ZNF827: variants seen among roughly 807,000 people sequenced by gnomAD.
ZNF827 encodes zinc finger protein 827.
ZNF827 carries 13 observed loss-of-function variants against 102.4 expected under a neutral mutation model. That is an observed-to-expected ratio of 0.13 (90% CI 0.08 to 0.20). The LOEUF (loss-of-function observed/expected upper bound fraction) is 0.20. Among genes scored for constraint, ZNF827 ranks in the 10% least tolerant of loss-of-function variants. The probability of loss-of-function intolerance (pLI) is 1.00; values close to 1 mark genes in which losing one functional copy is unlikely to be tolerated. For synonymous variants in ZNF827, 523 were observed against 536.2 expected, an observed-to-expected ratio of 0.98 and a Z score of 0.34; for missense variants, 1,103 against 1,344.4, an observed-to-expected ratio of 0.82 and a Z score of 2.81.
chr4:145,874,059 C>T (rs1469934023), intron 4 of ZNF827, among the ~76,000 whole-genome samples: 7 of 151,404 alleles, frequency 4.6e-5, no homozygotes, highest in Non-Finnish European at 4.4e-5. Flanking sequence ...GAGCAAATCC[C>T]AACTTCTAGA....
In ZNF827 at chr4:145,902,030, T is replaced by C; in HGVS notation, c.1093+136A>G. 9.0e-7 allele frequency: 1 copy of C among 1,105,846 alleles called. No individual in the cohort carries two copies. Among genetic ancestry groups the C allele is most frequent in the Non-Finnish European group, 1.3e-6 (1 of 797,596 alleles). The allele number at this position is 1,105,846 out of a possible 1,614,324, so 68.5% of individuals were successfully genotyped here. On this transcript the variant is annotated intron_variant, in intron 2 of 14. Transcript: ENST00000508784. The surrounding 1 kb of genome is among the most constrained non-coding windows in gnomAD (Gnocchi z 4.3). ...AGACTACTATGCTGCTTACTTAAAG[T>C]ATTTTTGTTGTGCTCTTGCTTTTTT...
chr4:145,814,659 C>T (rs991604568), intron 8 of ZNF827, among the ~76,000 whole-genome samples: 8 of 151,624 alleles, frequency 5.3e-5, no homozygotes, highest in Non-Finnish European at 8.8e-5. Flanking sequence ...CACAGTGGCT[C>T]GCACCTGTAA....
In ZNF827 at chr4:145,892,345, G is replaced by A. The variant is rs762037117; in HGVS notation, c.1164C>T (p.Tyr388=). Residue 388 remains tyrosine, a synonymous_variant, in exon 3 of 15, where the codon TAC becomes TAT. Coordinates refer to ENST00000508784, the MANE Select transcript of ZNF827 (RefSeq NM_001306215.2). ...ICGLVIKRKS[Y]WKRHMVIHTG... ...TGTGAATCACCATGTGCCGCTTCCA[G>A]TAACTCTTCCTTTTAATAACCAAAC... The A allele has an allele frequency of 3.1e-6, 5 of 1,614,190 alleles. No individual in the cohort carries two copies. Among genetic ancestry groups the A allele is most frequent in the Non-Finnish European group, 4.2e-6 (5 of 1,180,020 alleles).
chr4:145,872,485 A>G (rs1338886175), intron 4 of ZNF827, among the ~76,000 whole-genome samples: 1 of 152,148 alleles, frequency 6.6e-6, no homozygotes, highest in Non-Finnish European at 1.5e-5. Context: ...GAGAGAAATA[A>G]ATCTGTTATT....
In ZNF827 at chr4:145,838,544, TG is replaced by T. The variant is rs112203277; in HGVS notation, c.2279+7411del. Among the ~76,000 whole-genome samples the T allele has an allele frequency of 9.3e-3, 1,411 of 151,974 alleles. 31 individuals are homozygous for T. The highest frequency in any genetic ancestry group is 0.033 in the African/African-American group (1,347 of 41,440). ...ACCATTGTTTATATTAACAATTTTTTGGGGGGGGACCCTTGATATTCAATAA... is the reference window on the plus strand; with the variant it reads ...ACCATTGTTTATATTAACAATTTTTTGGGGGGGACCCTTGATATTCAATAA... On this transcript the variant is annotated intron_variant, in intron 7 of 14. Coordinates refer to ENST00000508784, the MANE Select transcript of ZNF827 (RefSeq NM_001306215.2).
At chr4:145,833,813 C>T (rs551328245) in intron 7 of ZNF827, among the ~76,000 whole-genome samples, 20 of 151,852 alleles carry the variant, frequency 1.3e-4, no homozygotes, top group African/African-American at 4.6e-4. Context: ...ATTTCCATGC[C>T]CCGACCTCTT....
At chr4:145,764,748 C>T in intron 13 of ZNF827, 4 of 550,396 alleles carry the variant, frequency 7.3e-6, no homozygotes, top group African/African-American at 1.9e-5. Flanking sequence ...TGTCTTTTTT[C>T]TTGCCCTGAA....
intron 7 of ZNF827, among the ~76,000 whole-genome samples, chr4:145,834,642 T>G (rs1427644893): frequency 6.6e-6 from 1 of 152,106 alleles, no homozygotes; most frequent in Admixed American, 6.5e-5. Context: ...CCAAATCAGA[T>G]AGCGTTTAGG....
chr4:145,798,068 G>A (rs570097478), intron 8 of ZNF827, among the ~76,000 whole-genome samples: 1 of 152,312 alleles, frequency 6.6e-6, no homozygotes, highest in East Asian at 1.9e-4. Context: ...GGGACTTTGA[G>A]AAACTTTTTG....
chr4:145,843,037 ACAGGAGT>A (rs1745575164), intron 7 of ZNF827, among the ~76,000 whole-genome samples: 1 of 152,158 alleles, frequency 6.6e-6, no homozygotes, highest in Non-Finnish European at 1.5e-5. Flanking sequence ...TCCTTCTAAA[ACAGGAGT>A]CAGGAAAGAA....
At chr4:145,859,857 C>T (rs140866988) in intron 5 of ZNF827, among the ~76,000 whole-genome samples, 2,010 of 152,148 alleles carry the variant, frequency 0.013, 18 homozygotes, top group Non-Finnish European at 0.021. Context: ...GAGAGCTGAA[C>T]GTCAGGCAGG....
intron 4 of ZNF827, chr4:145,876,396 C>T (rs567205132): frequency 1.3e-5 from 2 of 152,326 alleles, no homozygotes; most frequent in East Asian, 3.9e-4. Context: ...ATCCCCTGGG[C>T]ATACCTGCCT....
At chr4:145,925,937 C>T (rs1753387788) in intron 1 of ZNF827, among the ~76,000 whole-genome samples, 1 of 152,200 alleles carries the variant, frequency 6.6e-6, no homozygotes, top group East Asian at 1.9e-4. Flanking sequence ...TTCAACAAGT[C>T]TTATAAAATC....
chr4:145,776,063 G>T, intron 9 of ZNF827, 103 bp from the exon 10 acceptor site: 2 of 1,336,976 alleles, frequency 1.5e-6, no homozygotes, highest in Non-Finnish European at 2.1e-6. Context: ...AATGGTTCAA[G>T]TCATATTTCA....
At chr4:145,935,470 A>C (rs1264436593) in intron 1 of ZNF827, among the ~76,000 whole-genome samples, 2 of 152,360 alleles carry the variant, frequency 1.3e-5, no homozygotes, top group East Asian at 3.9e-4. Context: ...AAACTGCTTT[A>C]AAAACATGTG....
rs532889332 is a variant in ZNF827 at position 145,849,344 on chromosome 4, G to A, written c.2199C>T (p.Ser733=). 28 of 1,613,982 alleles carry A rather than the reference G, an allele frequency of 1.7e-5. No homozygotes were observed. The highest frequency in any genetic ancestry group is 2.7e-5 in the African/African-American group (2 of 74,984). Residue 733 remains serine (S), a synonymous_variant, in exon 6 of 15, where the codon TCC becomes TCT. Transcript: ENST00000508784. ...FSQDISVKMA[S]ELLFQLSEKV... ...TACCTGACAGTTGAAAGAGGAGCTC[G>A]GAAGCCATTTTCACAGAGATATCCT...
chr4:145,821,802 C>G (rs781759846), intron 8 of ZNF827, among the ~76,000 whole-genome samples: 2 of 152,142 alleles, frequency 1.3e-5, no homozygotes, highest in African/African-American at 2.4e-5. Flanking sequence ...CACGGAAAAC[C>G]CCCCGATGCA....
intron 8 of ZNF827, among the ~76,000 whole-genome samples, chr4:145,823,209 G>A (rs1198709098): frequency 4.6e-5 from 7 of 152,102 alleles, no homozygotes; most frequent in African/African-American, 1.4e-4. Flanking sequence ...AGAACAATAA[G>A]CTCTTAAAGC....
chr4:145,900,147 G>A (rs769440880), intron 2 of ZNF827, among the ~76,000 whole-genome samples: 5 of 152,056 alleles, frequency 3.3e-5, no homozygotes, highest in South Asian at 2.1e-4. Context: ...GTATCTGGTC[G>A]TTTGAGTGAA....
Sources: gnomAD v4.1 joint callset for allele counts (sites outside exome capture counted in the v4.1 genomes callset) on GRCh38, gnomAD v4.1.1 for gene constraint, Gnocchi (gnomAD v3.1) non-coding constraint, MANE v1.5 for transcripts, NCBI Gene and HGNC (gene_info 2026-07-23, HGNC 2026-07-21) for gene names.